Variants in SMAP2 observed in about 807,000 individuals in gnomAD.
The protein encoded by SMAP2 is small ArfGAP2.
SMAP2 carries 25 observed loss-of-function variants against 56.4 expected under a neutral mutation model. The ratio of observed to expected loss-of-function variants is 0.44; its 90% CI spans 0.32 to 0.62. SMAP2 has a LOEUF of 0.62. SMAP2 is among the 20% of genes least tolerant of loss of function. The probability of loss-of-function intolerance (pLI) is 0.04; values close to 1 mark genes in which losing one functional copy is unlikely to be tolerated. For synonymous variants in SMAP2, 157 were observed against 181.7 expected (o/e 0.86, Z 1.09); for missense variants, 388 against 545.6 (o/e 0.71, Z 2.88).
intron 9 of SMAP2, among the ~76,000 whole-genome samples, chr1:40,417,509 AAG>A (rs138277277): frequency 0.015 from 2,323 of 152,260 alleles, 68 homozygotes; most frequent in African/African-American, 0.054. Context: ...AGACTGTAAA[AAG>A]AGAAGATGGA....
At chr1:40,352,343 C>G (rs1644412411) in intron 1 of SMAP2, among the ~76,000 whole-genome samples, 1 of 151,988 alleles carries the variant, frequency 6.6e-6, no homozygotes, top group African/African-American at 2.4e-5. Flanking sequence ...CACATGTAAC[C>G]TCTCTAGCAG....
Position 40,401,814 on chromosome 1 carries a change from C to T in SMAP2, c.104-4922C>T, listed in dbSNP as rs190607008. Among the ~76,000 whole-genome samples the T allele has an allele frequency of 8.9e-4, 136 of 152,344 alleles. 2 individuals carry two copies. Among genetic ancestry groups the T allele is most frequent in the Non-Finnish European group, 1.5e-3 (104 of 68,038 alleles). Reference sequence around the variant, plus strand: ...CTTGTCAAAATACATGCAACAGGTCCGTGTAAACCCAGATTTTTCCGATAC... The same window carrying T: ...CTTGTCAAAATACATGCAACAGGTCTGTGTAAACCCAGATTTTTCCGATAC... On this transcript the variant is annotated intron_variant, in intron 1 of 9. Transcript: ENST00000372718.
rs917178696 is a variant in SMAP2 at position 40,422,738 on chromosome 1, C to A, written c.*637C>A. On this transcript the variant is annotated 3_prime_UTR_variant, in exon 10 of 10. Transcript: ENST00000372718. Reference sequence around the variant, plus strand: ...CTTCAGGACTTGCTGCTTCAGTCAGCCTTTATTAGCACCAAAGACTTTATG... The same window carrying A: ...CTTCAGGACTTGCTGCTTCAGTCAGACTTTATTAGCACCAAAGACTTTATG... The A allele has an allele frequency of 6.6e-6, 1 of 152,670 alleles. No homozygotes were observed. Among genetic ancestry groups the A allele is most frequent in the African/African-American group, 2.4e-5 (1 of 41,412 alleles). The allele number at this position is 152,670 out of a possible 1,614,324, so 9.5% of individuals were successfully genotyped here.
chr1:40,391,451 G>A (rs1569869014), intron 1 of SMAP2, among the ~76,000 whole-genome samples: 1 of 152,162 alleles, frequency 6.6e-6, no homozygotes, highest in East Asian at 1.9e-4. Flanking sequence ...CCACCAGCCT[G>A]CTATTAGCCT....
At position 40,417,768 on chromosome 1, in the gene SMAP2, A is replaced by AG. The variant is rs1337564474; in HGVS notation, c.1164+674dup. On this transcript the variant is annotated intron_variant, in intron 9 of 9. Coordinates refer to ENST00000372718, the MANE Select transcript of SMAP2 (RefSeq NM_022733.3). ...GTACCCTTTAGAGGACTGGTGGTGA[A>AG]GGAAAGAAAGACACGAGAAATGGGA... Among the ~76,000 whole-genome samples, 14 of 152,306 alleles carry AG rather than the reference A, an allele frequency of 9.2e-5. 1 individual carries two copies. Among genetic ancestry groups the AG allele is most frequent in the East Asian group, 5.8e-4 (3 of 5,182 alleles).
chr1:40,417,455 T>C (rs1016149453), intron 9 of SMAP2, among the ~76,000 whole-genome samples: 1 of 152,102 alleles, frequency 6.6e-6, no homozygotes, highest in Non-Finnish European at 1.5e-5. Flanking sequence ...GGCATGGCAA[T>C]GGGCATATAA....
In SMAP2 at chr1:40,358,358, C is replaced by T. The variant is rs148605428; in HGVS notation, c.-82-3942C>T. ...AGGAGATCGAGACCAGCCTGGCCAA[C>T]GTGGTGAAACACTGTCTCTGCTAAA... On this transcript the variant is annotated intron_variant, in intron 1 of 6. Transcript: ENST00000435168. Among the ~76,000 whole-genome samples, 471 of 152,188 alleles carry T rather than the reference C, an allele frequency of 3.1e-3. 1 individual carries two copies. Among genetic ancestry groups the T allele is most frequent in the African/African-American group, 0.011 (450 of 41,530 alleles).
chr1:40,372,912 A>G (rs1644506539), upstream of SMAP2, among the ~76,000 whole-genome samples: 1 of 152,246 alleles, frequency 6.6e-6, no homozygotes, highest in Non-Finnish European at 1.5e-5. Context: ...TGAAAACACA[A>G]GCCAGATGGC....
At chr1:40,375,455 G>A (rs1007032401) in intron 1 of SMAP2, among the ~76,000 whole-genome samples, 1 of 152,090 alleles carries the variant, frequency 6.6e-6, no homozygotes, top group Non-Finnish European at 1.5e-5. Flanking sequence ...GAAGAATAAG[G>A]TTATAAAAGG....
Position 40,414,157 on chromosome 1 carries a change from A to C in SMAP2, c.490-2A>C. On this transcript the variant is annotated splice_acceptor_variant, in intron 5 of 9. Transcript: ENST00000372718. LOFTEE classifies it high-confidence loss of function. The stretch of plus-strand genomic sequence containing the variant: ...TCTTGCTATAACATATTTTCACCTT[A>C]GCCACAGAAAAAAGAAGACCCACAG... The C allele has an allele frequency of 6.2e-7, 1 of 1,613,924 alleles. No homozygotes were observed. The highest frequency in any genetic ancestry group is 8.5e-7 in the Non-Finnish European group (1 of 1,179,820).
intron 1 of SMAP2, among the ~76,000 whole-genome samples, chr1:40,388,706 G>A (rs1378235782): frequency 6.6e-6 from 1 of 152,206 alleles, no homozygotes; most frequent in Admixed American, 6.5e-5. Flanking sequence ...GGCCAGATAA[G>A]AGAATAAAAG....
intron 1 of SMAP2, among the ~76,000 whole-genome samples, chr1:40,351,706 T>C (rs995392128): frequency 1.3e-5 from 2 of 152,182 alleles, no homozygotes; most frequent in Non-Finnish European, 2.9e-5. Flanking sequence ...TTTTACCATT[T>C]GGTCAGGCTC....
chr1:40,417,541 A>G (rs1252668639), intron 9 of SMAP2, among the ~76,000 whole-genome samples: 1 of 152,176 alleles, frequency 6.6e-6, no homozygotes, highest in African/African-American at 2.4e-5. Flanking sequence ...TAGCAATAAT[A>G]CCACAGATAA....
At position 40,423,277 on chromosome 1, in the gene SMAP2, C is replaced by G. The variant is rs1055578082; in HGVS notation, c.*1176C>G. ...TGTGGGAACCACAGTTCCTGGCTGCCTTTCTCCTGTGTATGTGTAAATTCC... is the reference window on the plus strand; with the variant it reads ...TGTGGGAACCACAGTTCCTGGCTGCGTTTCTCCTGTGTATGTGTAAATTCC... On this transcript the variant is annotated 3_prime_UTR_variant, in exon 10 of 10. Coordinates refer to ENST00000372718, the MANE Select transcript of SMAP2 (RefSeq NM_022733.3). 1 of 152,664 alleles carries G rather than the reference C, an allele frequency of 6.6e-6. No individual in the cohort carries two copies. The highest frequency in any genetic ancestry group is 6.5e-5 in the Admixed American group (1 of 15,280). The allele number at this position is 152,664 out of a possible 1,614,324, so 9.5% of individuals were successfully genotyped here.
chr1:40,356,545 G>A (rs1644437270), intron 1 of SMAP2, among the ~76,000 whole-genome samples: 1 of 151,856 alleles, frequency 6.6e-6, no homozygotes, highest in South Asian at 2.1e-4. Flanking sequence ...TGAGTAGCTG[G>A]GACTACAGGC....
At chr1:40,421,714 G>C (rs1020493216) in intron 9 of SMAP2, among the ~76,000 whole-genome samples, 1 of 152,174 alleles carries the variant, frequency 6.6e-6, no homozygotes, top group Non-Finnish European at 1.5e-5. Flanking sequence ...CTGATTTTCT[G>C]TCGACTAGAT....
intron 1 of SMAP2, among the ~76,000 whole-genome samples, chr1:40,362,034 C>T (rs551506870): frequency 6.6e-6 from 1 of 152,098 alleles, no homozygotes; most frequent in Non-Finnish European, 1.5e-5. Context: ...TATCTTGGGG[C>T]GAGCAAGTGC....
At chr1:40,399,731 G>C (rs1371578164) in intron 1 of SMAP2, among the ~76,000 whole-genome samples, 2 of 149,694 alleles carry the variant, frequency 1.3e-5, no homozygotes, top group East Asian at 3.9e-4. Flanking sequence ...AAAAGAAAGA[G>C]TGAAAAAAAG....
In SMAP2 at chr1:40,412,332, C is replaced by G. The variant is rs139763591; in HGVS notation, c.403-684C>G. On this transcript the variant is annotated intron_variant, in intron 4 of 9. Coordinates refer to ENST00000372718, the MANE Select transcript of SMAP2 (RefSeq NM_022733.3). ...GCATTGTATAAGAGTACTGGTTTCA[C>G]TTCATCCCTCCCACCATTATAGAAA... 9.3e-4 allele frequency among the ~76,000 whole-genome samples: 142 copies of G among 152,230 alleles called. 1 individual carries two copies. The highest frequency in any genetic ancestry group is 3.3e-3 in the African/African-American group (139 of 41,550).
Sources: allele counts gnomAD v4.1 joint callset (sites outside exome capture counted in the v4.1 genomes callset), GRCh38; gene constraint gnomAD v4.1.1; transcripts MANE v1.5; gene names NCBI Gene and HGNC (gene_info 2026-07-23, HGNC 2026-07-21).